SLC4A4: variants seen among roughly 807,000 people sequenced by gnomAD.
The protein encoded by SLC4A4 is electrogenic sodium bicarbonate cotransporter 1.
SLC4A4 carries 27 observed loss-of-function variants against 111.5 expected under a neutral mutation model. That is an observed-to-expected ratio of 0.24 (90% CI 0.18 to 0.33). The LOEUF is 0.33. SLC4A4 is among the 10% of genes least tolerant of loss of function. The pLI is 1.00. For synonymous variants in SLC4A4, 443 were observed against 463.4 expected (o/e 0.96, Z 0.57); for missense variants, 909 against 1,315.5 (o/e 0.69, Z 4.78).
intron 4 of SLC4A4, among the ~76,000 whole-genome samples, chr4:71,343,384 C>T (rs910201463): frequency 6.6e-6 from 1 of 152,150 alleles, no homozygotes; most frequent in Non-Finnish European, 1.5e-5. Flanking sequence ...ATGATATCTG[C>T]ATTTATAAAA....
chr4:71,186,624 C>G (rs1243591796), upstream of SLC4A4: 1 of 151,532 alleles, frequency 6.6e-6, no homozygotes, highest in African/African-American at 2.4e-5. Flanking sequence ...GGCCCCTCCC[C>G]GCCGCCGATG....
chr4:71,459,495 G>A (rs1726614537), intron 12 of SLC4A4, among the ~76,000 whole-genome samples: 1 of 151,926 alleles, frequency 6.6e-6, no homozygotes, highest in South Asian at 2.1e-4. Context: ...GTATTTCATG[G>A]ATGTCTTTCC....
chr4:71,287,564 C>T (rs966272218), intron 3 of SLC4A4, among the ~76,000 whole-genome samples: 14 of 152,212 alleles, frequency 9.2e-5, no homozygotes, highest in African/African-American at 3.4e-4. Context: ...GTCTTTCTAA[C>T]TTCAATGTAC....
intron 17 of SLC4A4, 56 bp from the exon 18 acceptor site, chr4:71,534,171 A>G: frequency 6.5e-7 from 1 of 1,543,990 alleles, no homozygotes; most frequent in South Asian, 1.1e-5. Flanking sequence ...TTTTTTCACC[A>G]AATAGTATAT....
chr4:71,223,150 A>T (rs906589327), intron 1 of SLC4A4, among the ~76,000 whole-genome samples: 37 of 149,592 alleles, frequency 2.5e-4, no homozygotes, highest in Non-Finnish European at 4.2e-4. Context: ...TAGAGTTTTT[A>T]TTTTTGTTTT....
intron 3 of SLC4A4, among the ~76,000 whole-genome samples, chr4:71,283,749 A>G (rs924118652): frequency 5.9e-5 from 9 of 152,282 alleles, no homozygotes; most frequent in African/African-American, 2.2e-4. Context: ...TTCCTCTACA[A>G]CATTTCCGCT....
In SLC4A4 at chr4:71,201,321, T is replaced by A. The variant is rs80095173; in HGVS notation, c.-2+13920T>A. Reference sequence around the variant, plus strand: ...CTAGGCCTCTTTATCCCACAACAACTGGTCATGATATATGGGCTGCCTCTG... The same window carrying A: ...CTAGGCCTCTTTATCCCACAACAACAGGTCATGATATATGGGCTGCCTCTG... On this transcript the variant is annotated intron_variant, in intron 1 of 25. Transcript: ENST00000264485. Among the ~76,000 whole-genome samples the A allele has an allele frequency of 2.5e-3, 381 of 152,252 alleles. 3 individuals carry two copies. The highest frequency in any genetic ancestry group is 8.9e-3 in the African/African-American group (369 of 41,548).
At chr4:71,392,159 T>G (rs1413101381) in intron 6 of SLC4A4, among the ~76,000 whole-genome samples, 1 of 152,110 alleles carries the variant, frequency 6.6e-6, no homozygotes, top group Non-Finnish European at 1.5e-5. Context: ...TCTCTTTTGG[T>G]CCTCATCTTT....
intron 3 of SLC4A4, among the ~76,000 whole-genome samples, chr4:71,338,601 C>T (rs923802713): frequency 1.3e-5 from 2 of 149,614 alleles, no homozygotes; most frequent in African/African-American, 4.9e-5. Flanking sequence ...AACCCATGAC[C>T]TGGGGGAAAT....
chr4:71,196,098 C>T (rs1251476022), intron 1 of SLC4A4, among the ~76,000 whole-genome samples: 1 of 152,174 alleles, frequency 6.6e-6, no homozygotes, highest in Non-Finnish European at 1.5e-5. Context: ...TACTGTGTGA[C>T]CACAGCTGCA....
intron 1 of SLC4A4, among the ~76,000 whole-genome samples, chr4:71,080,204 G>T (rs532741954): frequency 1.1e-4 from 16 of 152,114 alleles, no homozygotes; most frequent in Non-Finnish European, 1.8e-4. Context: ...ATCTGTCACT[G>T]CGACGCTATG....
At chr4:71,204,224 A>G (rs1717604081) in intron 1 of SLC4A4, among the ~76,000 whole-genome samples, 1 of 152,190 alleles carries the variant, frequency 6.6e-6, no homozygotes, top group African/African-American at 2.4e-5. Flanking sequence ...ATTGATGATG[A>G]TTTTTAGCAC....
chr4:71,367,276 T>C (rs955283295), intron 6 of SLC4A4, among the ~76,000 whole-genome samples: 1 of 152,160 alleles, frequency 6.6e-6, no homozygotes, highest in Non-Finnish European at 1.5e-5. Flanking sequence ...GTGATAAAAT[T>C]TGGGTACCTA....
chr4:71,547,276 GAAAGAAGGTGTA>G (rs1464264208), intron 19 of SLC4A4, among the ~76,000 whole-genome samples: 1 of 151,986 alleles, frequency 6.6e-6, no homozygotes, highest in East Asian at 1.9e-4. Flanking sequence ...TGTCTCCTAT[GAAAGAAGGTGTA>G]AGGGTAATTA....
chr4:71,525,093 C>T (rs1482562915), intron 16 of SLC4A4, among the ~76,000 whole-genome samples: 1 of 152,016 alleles, frequency 6.6e-6, no homozygotes, highest in Non-Finnish European at 1.5e-5. Flanking sequence ...GATTGTGACT[C>T]TCTCAATAAT....
At chr4:71,205,955 T>C (rs4694384) in intron 1 of SLC4A4, among the ~76,000 whole-genome samples, 18,113 of 152,210 alleles carry the variant, frequency 0.12, 1,772 homozygotes, top group African/African-American at 0.25. Context: ...GCAACTTTAA[T>C]TGTGCATTTG....
chr4:71,533,783 G>C (rs1311950852), intron 17 of SLC4A4, among the ~76,000 whole-genome samples: 1 of 152,014 alleles, frequency 6.6e-6, no homozygotes, highest in Non-Finnish European at 1.5e-5. Context: ...TAAAACCCAT[G>C]AACAAAATTC....
In SLC4A4 at chr4:71,214,231, A is replaced by G. The variant is rs1425264971; in HGVS notation, c.-1-22345A>G. On this transcript the variant is annotated intron_variant, in intron 1 of 25. Transcript: ENST00000264485. ...ACTTGGTTTACACAGCCCCGTATAC[A>G]ACACTTCAGAAGTGTGTCATCCTCA... 5.3e-5 allele frequency among the ~76,000 whole-genome samples: 8 copies of G among 152,256 alleles called. No individual in the cohort carries two copies. The East Asian group carries it at 1.5e-3, about 29-fold the overall frequency.
chr4:71,486,872 A>G, intron 14 of SLC4A4, 76 bp from the exon 15 acceptor site: 4 of 709,768 alleles, frequency 5.6e-6, no homozygotes, highest in Non-Finnish European at 8.8e-6. Flanking sequence ...CCTGCTTTTA[A>G]AAATACCTAA....
Sources: gnomAD v4.1 joint callset for allele counts (sites outside exome capture counted in the v4.1 genomes callset) on GRCh38, gnomAD v4.1.1 for gene constraint, MANE v1.5 for transcripts, NCBI Gene and HGNC (gene_info 2026-07-23, HGNC 2026-07-21) for gene names.